PCDHA6: variants seen among roughly 807,000 people sequenced by gnomAD.
PCDHA6 encodes protocadherin alpha-6.
A neutral mutation model predicts 60.3 loss-of-function variants in PCDHA6; 55 were observed. The ratio of observed to expected loss-of-function variants is 0.91; its 90% CI spans 0.73 to 1.14. PCDHA6 has a LOEUF of 1.14. Ranked by LOEUF, PCDHA6 falls within the 50% of genes most tolerant of loss-of-function variation. PCDHA6 has a pLI of 0.00. For missense variants in PCDHA6, 1,327 were observed against 1,256.5 expected (o/e 1.06, Z -0.85); for synonymous variants, 652 against 557.9 (o/e 1.17, Z -2.38).
rs34213614 is a variant in PCDHA6 at position 140,896,536 on chromosome 5, C to CTT, written c.2394+66062_2394+66063dup. ...CACACCACAAAGCCCAGCTATTTTT[C>CTT]TTTTTTTTTTTTGTATTTTAAGTAG... On this transcript the variant is annotated intron_variant, in intron 1 of 3. Coordinates refer to ENST00000529310, the MANE Select transcript of PCDHA6 (RefSeq NM_018909.4). 2.9e-3 allele frequency among the ~76,000 whole-genome samples: 427 copies of CTT among 145,644 alleles called. 4 individuals are homozygous for CTT. Among genetic ancestry groups the CTT allele is most frequent in the African/African-American group, 7.7e-3 (305 of 39,602 alleles).
intron 1 of PCDHA6, chr5:140,857,244 CCTA>C (rs782212916): frequency 6.3e-7 from 1 of 1,598,476 alleles, no homozygotes; most frequent in East Asian, 2.2e-5. Flanking sequence ...CTGGTGTCCA[CCTA>C]CAAGAATTAC....
intron 1 of PCDHA6, among the ~76,000 whole-genome samples, chr5:140,884,903 T>C (rs1462790087): frequency 1.3e-5 from 2 of 152,268 alleles, no homozygotes; most frequent in Admixed American, 1.3e-4. Flanking sequence ...GTTTCTGTTG[T>C]ATTCTTAATA....
chr5:140,846,413 C>T (rs1209442612), intron 1 of PCDHA6, among the ~76,000 whole-genome samples: 16 of 119,220 alleles, frequency 1.3e-4, no homozygotes, highest in Non-Finnish European at 2.3e-4. Flanking sequence ...CTCGCTCTAT[C>T]TCCCAGGCTG....
intron 1 of PCDHA6, chr5:140,834,368 A>G: frequency 6.4e-7 from 1 of 1,555,360 alleles, no homozygotes; most frequent in Non-Finnish European, 8.7e-7. Context: ...CTAGAAAAAC[A>G]AGCCAATAAT....
At chr5:140,836,835 C>T (rs1774769816) in intron 1 of PCDHA6, 2 of 878,888 alleles carry the variant, frequency 2.3e-6, no homozygotes, top group Non-Finnish European at 1.7e-6. Flanking sequence ...TAGTTGATAG[C>T]TTTATGTATA....
intron 1 of PCDHA6, chr5:140,927,689 G>A (rs781972370): frequency 5.6e-6 from 9 of 1,614,064 alleles, no homozygotes; most frequent in African/African-American, 2.7e-5. Flanking sequence ...GGGTCCAATG[G>A]GGAAGTCCAG....
chr5:140,877,217 C>A (rs571871387), intron 1 of PCDHA6: 2 of 1,613,742 alleles, frequency 1.2e-6, no homozygotes, highest in African/African-American at 1.3e-5. Flanking sequence ...GAGTTGGTAC[C>A]GCGGTCGGTG....
intron 3 of PCDHA6, among the ~76,000 whole-genome samples, chr5:141,003,915 C>T (rs2153979429): frequency 6.6e-6 from 1 of 152,298 alleles, no homozygotes; most frequent in African/African-American, 2.4e-5. Context: ...GTCTTGACTG[C>T]ATCCTCAGTC....
intron 1 of PCDHA6, among the ~76,000 whole-genome samples, chr5:140,923,931 A>T (rs1216808903): frequency 2.6e-5 from 4 of 152,118 alleles, no homozygotes; most frequent in Non-Finnish European, 4.4e-5. Flanking sequence ...CTCTGTATGC[A>T]TTTTTCCTTT....
At position 140,843,280 on chromosome 5, in the gene PCDHA6, T is replaced by A. The variant is rs2150356364; in HGVS notation, c.2394+12795T>A. ...ACCGTCTGCTGGTCCTGGTGAAGGA[T>A]CATGGTGAACCTGCGCTGACCGCCA... On this transcript the variant is annotated intron_variant, in intron 1 of 3. Coordinates refer to ENST00000529310, the MANE Select transcript of PCDHA6 (RefSeq NM_018909.4). 5.0e-6 allele frequency: 8 copies of A among 1,595,708 alleles called. 1 individual carries two copies. The African/African-American group carries it at 6.7e-5, about 13-fold the overall frequency.
intron 1 of PCDHA6, chr5:140,867,114 G>A (rs567577345): frequency 6.6e-6 from 1 of 152,050 alleles, no homozygotes; most frequent in Non-Finnish European, 1.5e-5. Flanking sequence ...TTAACATATT[G>A]TTTTAATTCA....
intron 3 of PCDHA6, among the ~76,000 whole-genome samples, chr5:140,993,462 TCA>T (rs3836747): frequency 0.093 from 13,122 of 140,864 alleles, 629 homozygotes; most frequent in African/African-American, 0.12. Flanking sequence ...TCTTTCTTTC[TCA>T]CACACACACA....
intron 1 of PCDHA6, chr5:140,848,760 C>T (rs2150419620): frequency 6.3e-7 from 1 of 1,593,332 alleles, no homozygotes; most frequent in South Asian, 1.1e-5. Context: ...TGTGAATTCT[C>T]GGATCGACCG....
intron 1 of PCDHA6, among the ~76,000 whole-genome samples, chr5:140,895,125 G>T (rs1165797883): frequency 2.0e-5 from 3 of 152,068 alleles, no homozygotes; most frequent in African/African-American, 7.2e-5. Flanking sequence ...TTTGTTAGTT[G>T]ACAAGTTCAT....
At chr5:140,872,878 C>G (rs1582101357) in intron 1 of PCDHA6, among the ~76,000 whole-genome samples, 1 of 152,160 alleles carries the variant, frequency 6.6e-6, no homozygotes, top group East Asian at 1.9e-4. Flanking sequence ...TTATCAGTTT[C>G]ATTCATCTCA....
At chr5:140,984,869 T>C (rs1587042657) in intron 3 of PCDHA6, among the ~76,000 whole-genome samples, 1 of 152,174 alleles carries the variant, frequency 6.6e-6, no homozygotes, top group East Asian at 1.9e-4. Flanking sequence ...ACCTATTTTA[T>C]TGAGTTACCA....
intron 1 of PCDHA6, chr5:140,860,473 G>A (rs534132649): frequency 6.6e-6 from 1 of 152,258 alleles, no homozygotes; most frequent in South Asian, 2.1e-4. Flanking sequence ...AGTTGGTGCA[G>A]TAGTACTTTA....
At chr5:140,851,741 G>A in intron 1 of PCDHA6, 1 of 972,212 alleles carries the variant, frequency 1.0e-6, no homozygotes, top group Non-Finnish European at 1.2e-6. Context: ...TTGAAATTCA[G>A]AGTCTGTAAC....
At chr5:140,862,618 C>T in intron 1 of PCDHA6, 1 of 526,556 alleles carries the variant, frequency 1.9e-6, no homozygotes, top group East Asian at 5.1e-5. Context: ...AGGTAACAAC[C>T]CGCGGGGCTG....
Sources: allele counts gnomAD v4.1 joint callset (sites outside exome capture counted in the v4.1 genomes callset), GRCh38; gene constraint gnomAD v4.1.1; transcripts MANE v1.5; gene names NCBI Gene and HGNC (gene_info 2026-07-23, HGNC 2026-07-21).